SYT1: variants seen among roughly 807,000 people sequenced by gnomAD.
SYT1 encodes synaptotagmin 1.
A neutral mutation model predicts 44.8 loss-of-function variants in SYT1; 8 were observed. The observed-to-expected ratio is 0.18, with a 90% CI of 0.10 to 0.32. The LOEUF is 0.32. SYT1 is among the 10% of genes least tolerant of loss of function. The pLI, the probability that SYT1 is intolerant of heterozygous loss-of-function variation, is 1.00. For synonymous variants in SYT1, 154 were observed against 188.8 expected (o/e 0.82, Z 1.51); for missense variants, 286 against 509.3 (o/e 0.56, Z 4.22).
intron 1 of SYT1, among the ~76,000 whole-genome samples, chr12:78,887,429 A>C (rs865922080): frequency 2.0e-5 from 3 of 152,142 alleles, no homozygotes; most frequent in African/African-American, 7.2e-5. Flanking sequence ...CTAAGTGACA[A>C]GGTGAAAGTT....
chr12:79,156,092 G>A lies in SYT1; in HGVS notation c.-17-61411G>A, dbSNP rs150265794. On this transcript the variant is annotated intron_variant, in intron 3 of 10. Transcript: ENST00000261205. ...CGTATGCCAAGTGTGTTACATATAC[G>A]ACTTCATACTAAGAACAACCTTGGA... Among the ~76,000 whole-genome samples the A allele has an allele frequency of 3.0e-3, 462 of 152,192 alleles. 3 individuals carry two copies. The highest frequency in any genetic ancestry group is 0.01 in the African/African-American group (427 of 41,542).
At chr12:79,311,507 C>T (rs1322786945) in intron 8 of SYT1, among the ~76,000 whole-genome samples, 4 of 143,754 alleles carry the variant, frequency 2.8e-5, no homozygotes, top group African/African-American at 7.9e-5. Context: ...ACCCAGCCAT[C>T]CCATTACTGG....
chr12:78,950,202 T>A (rs781553203), intron 1 of SYT1, among the ~76,000 whole-genome samples: 5 of 152,066 alleles, frequency 3.3e-5, no homozygotes, highest in African/African-American at 4.8e-5. Flanking sequence ...TAGACTAGAT[T>A]TTCATTCAGT....
At chr12:78,899,855 C>T (rs1197263586) in intron 1 of SYT1, among the ~76,000 whole-genome samples, 2 of 151,904 alleles carry the variant, frequency 1.3e-5, no homozygotes, top group African/African-American at 4.8e-5. Flanking sequence ...TTATAGGTAA[C>T]ACAAAATATT....
At chr12:79,071,055 C>G (rs552534915) in intron 3 of SYT1, among the ~76,000 whole-genome samples, 76 of 152,140 alleles carry the variant, frequency 5.0e-4, no homozygotes, top group Admixed American at 4.9e-3. Context: ...GAGGGTTCTG[C>G]CCTTCAAAAG....
At chr12:79,424,675 CTGAT>C (rs560130603) in intron 9 of SYT1, among the ~76,000 whole-genome samples, 5 of 152,080 alleles carry the variant, frequency 3.3e-5, no homozygotes, top group Non-Finnish European at 5.9e-5. Context: ...TTTTTACAAA[CTGAT>C]TGGCCATTAA....
At chr12:78,973,161 A>G (rs1450573525) in intron 1 of SYT1, among the ~76,000 whole-genome samples, 2 of 152,190 alleles carry the variant, frequency 1.3e-5, no homozygotes, top group African/African-American at 4.8e-5. Context: ...ATGTATTTAC[A>G]TGCACAACAT....
intron 3 of SYT1, among the ~76,000 whole-genome samples, chr12:79,210,478 T>C (rs1244364484): frequency 6.6e-6 from 1 of 152,236 alleles, no homozygotes; most frequent in Non-Finnish European, 1.5e-5. Flanking sequence ...AGCTCCCACA[T>C]ATCAGTGAGA....
intron 3 of SYT1, among the ~76,000 whole-genome samples, chr12:79,128,349 T>C (rs2049598): frequency 0.11 from 17,382 of 152,134 alleles, 1,071 homozygotes; most frequent in African/African-American, 0.13. Context: ...GCCACAGCAC[T>C]CCAGCCTGGG....
intron 3 of SYT1, among the ~76,000 whole-genome samples, chr12:79,176,200 G>A (rs563876886): frequency 6.6e-6 from 1 of 150,444 alleles, no homozygotes; most frequent in South Asian, 2.1e-4. Flanking sequence ...TGAGGCAGGA[G>A]AATCACTTGA....
intron 3 of SYT1, among the ~76,000 whole-genome samples, chr12:79,189,198 A>G (rs1391713530): frequency 2.0e-5 from 3 of 152,144 alleles, no homozygotes; most frequent in African/African-American, 7.2e-5. Flanking sequence ...TATTTCTTAA[A>G]AAAGAGTTCT....
At position 79,145,749 on chromosome 12, in the gene SYT1, T is replaced by TG. The variant is rs1555201852; in HGVS notation, c.-17-71754_-17-71753insG. Among the ~76,000 whole-genome samples, 1,005 of 144,958 alleles carry TG rather than the reference T, an allele frequency of 6.9e-3. 26 individuals carry two copies. Among genetic ancestry groups the TG allele is most frequent in the Admixed American group, 0.036 (533 of 14,826 alleles). On this transcript the variant is annotated intron_variant, in intron 3 of 10. Transcript: ENST00000261205. ...TTTAAACATAGTGGTTTTTTTTTTT[T>TG]TTTGTTTGTTTGTTTGTTTGTTTTT...
chr12:79,251,722 C>T (rs924475069), intron 4 of SYT1, among the ~76,000 whole-genome samples: 1 of 152,098 alleles, frequency 6.6e-6, no homozygotes, highest in African/African-American at 2.4e-5. Context: ...TGACTTAACC[C>T]CAAGTGAGTA....
intron 1 of SYT1, among the ~76,000 whole-genome samples, chr12:78,951,196 T>C (rs1421993247): frequency 6.6e-6 from 1 of 152,174 alleles, no homozygotes; most frequent in Non-Finnish European, 1.5e-5. Context: ...TTGTAACTTT[T>C]TAAACAACTA....
chr12:78,892,414 A>G (rs1875109384), intron 1 of SYT1, among the ~76,000 whole-genome samples: 1 of 151,780 alleles, frequency 6.6e-6, no homozygotes, highest in South Asian at 2.1e-4. Flanking sequence ...TATAAAAATC[A>G]AAAAAGTTAT....
chr12:79,449,119 A>C lies in SYT1; in HGVS notation c.1264A>C (p.Lys422Gln). 1 of 1,605,588 alleles carries C rather than the reference A, an allele frequency of 6.2e-7. No homozygotes were observed. Among genetic ancestry groups the C allele is most frequent in the East Asian group, 2.2e-5 (1 of 44,634 alleles). ...EEVDAMLAVK[K>Q] ...AGTTGATGCCATGCTGGCCGTCAAG[A>C]AGTAAAGGAAAGAAGAAGCCTTTCT... The change falls in exon 11 of 11, where the codon AAG becomes CAG. Residue 422 changes from lysine (K) to glutamine (Q), a missense_variant. By Grantham distance (53) the Lys-to-Gln change is moderately conservative. Transcript: ENST00000261205.
In SYT1 at chr12:79,246,359, C is replaced by T. The variant is rs77171316; in HGVS notation, c.166+28674C>T. On this transcript the variant is annotated intron_variant, in intron 4 of 10. Transcript: ENST00000261205. ...TTTCATGATACCCCTTTCATAAGTC[C>T]ATTCCAGTTCTTCTCTTCTTTCTCT... Among the ~76,000 whole-genome samples, 4 of 152,302 alleles carry T rather than the reference C, an allele frequency of 2.6e-5. No individual in the cohort carries two copies. The East Asian group carries it at 7.7e-4, about 29-fold the overall frequency.
At chr12:78,921,003 A>G (rs190590669) in intron 1 of SYT1, among the ~76,000 whole-genome samples, 1 of 151,998 alleles carries the variant, frequency 6.6e-6, no homozygotes, top group East Asian at 1.9e-4. Context: ...CTGCATCATC[A>G]GTTTTTTGAA....
chr12:79,241,539 A>C (rs1049778672), intron 4 of SYT1, among the ~76,000 whole-genome samples: 1 of 152,128 alleles, frequency 6.6e-6, no homozygotes, highest in Non-Finnish European at 1.5e-5. Flanking sequence ...GATTACAGGC[A>C]TGAGCCACCA....
Sources: gnomAD v4.1 joint callset for allele counts (sites outside exome capture counted in the v4.1 genomes callset) on GRCh38, gnomAD v4.1.1 for gene constraint, MANE v1.5 for transcripts, NCBI Gene and HGNC (gene_info 2026-07-23, HGNC 2026-07-21) for gene names.